The following TASP1 variants were observed in gnomAD, a reference collection of about 807,000 sequenced individuals.
TASP1 encodes the protein threonine aspartase 1.
In TASP1, 16 loss-of-function variants were observed where a neutral mutation model predicts 56.6. That is an observed-to-expected ratio of 0.28 (90% CI 0.19 to 0.43). TASP1 has a LOEUF of 0.43. Ranked by LOEUF, TASP1 falls within the 20% of genes least tolerant of loss-of-function variation. TASP1 has a pLI of 1.00. For synonymous variants in TASP1, 179 were observed against 184.2 expected, an observed-to-expected ratio of 0.97 and a Z score of 0.23; for missense variants, 393 against 511.6, an observed-to-expected ratio of 0.77 and a Z score of 2.24.
At chr20:13,563,374 C>G (rs1453916729) in intron 7 of TASP1, among the ~76,000 whole-genome samples, 2 of 151,904 alleles carry the variant, frequency 1.3e-5, no homozygotes, top group East Asian at 1.9e-4. Flanking sequence ...ACAACAAACA[C>G]CAAAAACATT....
intron 9 of TASP1, among the ~76,000 whole-genome samples, chr20:13,529,987 C>A (rs1011731252): frequency 6.6e-6 from 1 of 152,182 alleles, no homozygotes; most frequent in Non-Finnish European, 1.5e-5. Flanking sequence ...TAACCTCCAA[C>A]CACTAGTCCT....
chr20:13,548,729 C>G (rs562527541), intron 8 of TASP1, among the ~76,000 whole-genome samples: 1 of 152,240 alleles, frequency 6.6e-6, no homozygotes, highest in South Asian at 2.1e-4. Context: ...TAACTGAATT[C>G]AATCATATAA....
chr20:13,239,544 T>C, the TASP1 span: 1 of 152,236 alleles, frequency 6.6e-6, no homozygotes, highest in Non-Finnish European at 1.5e-5. Context: ...CTACATGAAG[T>C]ACCTTTTGTG....
the TASP1 span, among the ~76,000 whole-genome samples, chr20:13,155,414 T>A: frequency 2.0e-5 from 3 of 152,148 alleles, no homozygotes; most frequent in East Asian, 1.9e-4. Context: ...ATAAAAGAGG[T>A]TTGGGTCTTA....
At position 13,531,323 on chromosome 20, in the gene TASP1, C is replaced by T. The variant is rs369482107; in HGVS notation, c.795+2699G>A. Among the ~76,000 whole-genome samples the T allele has an allele frequency of 3.3e-5, 5 of 151,384 alleles. No homozygotes were observed. In the East Asian group the frequency reaches 5.8e-4, roughly 18 times the overall value. ...GGTTTACCTAGATCGGAAGTCCACACTTAACCAGTAAACTCAACCGCCTAT... is the reference window on the plus strand; with the variant it reads ...GGTTTACCTAGATCGGAAGTCCACATTTAACCAGTAAACTCAACCGCCTAT... On this transcript the variant is annotated intron_variant, in intron 9 of 13. Coordinates refer to ENST00000337743, the MANE Select transcript of TASP1 (RefSeq NM_017714.3).
the TASP1 span, among the ~76,000 whole-genome samples, chr20:13,257,122 T>G: frequency 1.3e-5 from 2 of 152,350 alleles, no homozygotes; most frequent in East Asian, 3.9e-4. Flanking sequence ...GGAAATAACA[T>G]GCTCAACATG....
the TASP1 span, among the ~76,000 whole-genome samples, chr20:13,196,449 T>C: frequency 2.0e-5 from 3 of 152,180 alleles, no homozygotes; most frequent in East Asian, 1.9e-4. Flanking sequence ...AGCTGGTCCC[T>C]CTATCTGGAG....
chr20:13,458,802 G>A (rs2043943846), intron 11 of TASP1, among the ~76,000 whole-genome samples: 2 of 152,242 alleles, frequency 1.3e-5, no homozygotes, highest in South Asian at 4.2e-4. Context: ...CAACTGATCT[G>A]GGGACAAGCA....
intron 8 of TASP1, among the ~76,000 whole-genome samples, chr20:13,546,225 T>G (rs370525655): frequency 2.6e-5 from 4 of 151,550 alleles, no homozygotes; most frequent in African/African-American, 9.7e-5. Flanking sequence ...AATTAAAGAC[T>G]GCAAGAAGCC....
chr20:13,369,189 T>C, the TASP1 span, among the ~76,000 whole-genome samples: 1 of 152,342 alleles, frequency 6.6e-6, no homozygotes, highest in Non-Finnish European at 1.5e-5. Context: ...CTCAAGCCTG[T>C]AATCCCAGCA....
chr20:13,576,975 A>C (rs1601315307), intron 6 of TASP1, among the ~76,000 whole-genome samples: 1 of 152,194 alleles, frequency 6.6e-6, no homozygotes, highest in East Asian at 1.9e-4. Flanking sequence ...TTAGTAACCT[A>C]CTTTACAAGT....
the TASP1 span, among the ~76,000 whole-genome samples, chr20:13,117,995 G>A: frequency 0.031 from 4,796 of 152,262 alleles, 118 homozygotes; most frequent in South Asian, 0.078. Flanking sequence ...GTACCAGGCA[G>A]AGGAATAATT....
At chr20:13,478,246 C>A (rs1350571934) in intron 11 of TASP1, among the ~76,000 whole-genome samples, 2 of 151,870 alleles carry the variant, frequency 1.3e-5, no homozygotes, top group Non-Finnish European at 2.9e-5. Context: ...AATCATTACA[C>A]AAAAAACTGC....
At chr20:13,419,614 C>A (rs2042370245) in intron 12 of TASP1, among the ~76,000 whole-genome samples, 2 of 152,130 alleles carry the variant, frequency 1.3e-5, no homozygotes, top group Admixed American at 1.3e-4. Flanking sequence ...TAAACCCTGT[C>A]CCCCAGGCCA....
At chr20:13,198,033 A>T in the TASP1 span, among the ~76,000 whole-genome samples, 1 of 152,212 alleles carries the variant, frequency 6.6e-6, no homozygotes, top group African/African-American at 2.4e-5. Context: ...TATCTTGAAT[A>T]TAAACAGAAA....
chr20:13,376,414 G>T, the TASP1 span, among the ~76,000 whole-genome samples: 1 of 152,038 alleles, frequency 6.6e-6, no homozygotes, highest in African/African-American at 2.4e-5. Flanking sequence ...TGAGGCCTCT[G>T]TTCTGTTCCA....
At chr20:13,476,953 G>A (rs971963947) in intron 11 of TASP1, among the ~76,000 whole-genome samples, 1 of 152,058 alleles carries the variant, frequency 6.6e-6, no homozygotes, top group African/African-American at 2.4e-5. Context: ...GTTTGAAAAA[G>A]AGAAATATGC....
chr20:13,438,911 A>G (rs1045484994), intron 11 of TASP1, among the ~76,000 whole-genome samples: 2 of 152,260 alleles, frequency 1.3e-5, no homozygotes, highest in East Asian at 1.9e-4. Context: ...AAAAATGCTC[A>G]TCATCACTGG....
At chr20:13,105,806 T>C in the TASP1 span, among the ~76,000 whole-genome samples, 1 of 152,192 alleles carries the variant, frequency 6.6e-6, no homozygotes, top group Admixed American at 6.5e-5. Context: ...ACCATCTCTT[T>C]ATTCCATTCA....
Sources: gnomAD v4.1 joint callset for allele counts (sites outside exome capture counted in the v4.1 genomes callset) on GRCh38, gnomAD v4.1.1 for gene constraint, MANE v1.5 for transcripts, NCBI Gene and HGNC (gene_info 2026-07-23, HGNC 2026-07-21) for gene names.